Variants in SLC13A3 observed in about 807,000 individuals in gnomAD.
The protein encoded by SLC13A3 is Na(+)/dicarboxylate cotransporter 3.
SLC13A3 carries 40 observed loss-of-function variants against 59.0 expected under a neutral mutation model. That is an observed-to-expected ratio of 0.68 (90% CI 0.53 to 0.88). The LOEUF (loss-of-function observed/expected upper bound fraction) is 0.88, where lower values mean the gene tolerates loss of function less well. Among genes scored for constraint, SLC13A3 ranks in the 40% least tolerant of loss-of-function variants. SLC13A3 has a pLI of 0.00. For synonymous variants in SLC13A3, 317 were observed against 330.3 expected (o/e 0.96, Z 0.44); for missense variants, 699 against 783.2 (o/e 0.89, Z 1.28).
At chr20:46,595,815 C>G (rs564872770) in intron 5 of SLC13A3, among the ~76,000 whole-genome samples, 203 of 152,306 alleles carry the variant, frequency 1.3e-3, no homozygotes, top group African/African-American at 4.6e-3. Context: ...TAGGTCTCTG[C>G]TCAAATGTCA....
intron 1 of SLC13A3, among the ~76,000 whole-genome samples, chr20:46,636,811 T>C (rs937918330): frequency 1.8e-5 from 1 of 56,586 alleles, no homozygotes; most frequent in Admixed American, 2.0e-4. Flanking sequence ...TTTTTCTTTT[T>C]TTCTTTTTTT....
chr20:46,678,965 T>C (rs1454720493), intron 1 of SLC13A3, among the ~76,000 whole-genome samples: 1 of 152,142 alleles, frequency 6.6e-6, no homozygotes, highest in Non-Finnish European at 1.5e-5. Context: ...CTCTCTCTTG[T>C]TCCTGCTTTC....
intron 8 of SLC13A3, chr20:46,585,764 A>C (rs73113722): frequency 0.1 from 130,911 of 1,286,240 alleles, 7,610 homozygotes; most frequent in Non-Finnish European, 0.11. Context: ...TAAAGCATCT[A>C]CATTTTAGAA....
At chr20:46,602,860 T>A (rs1400291090) in intron 3 of SLC13A3, among the ~76,000 whole-genome samples, 2 of 152,150 alleles carry the variant, frequency 1.3e-5, no homozygotes, top group Non-Finnish European at 2.9e-5. Flanking sequence ...GAAGTAACCA[T>A]TCTAGGATTG....
At chr20:46,656,391 TG>T (rs2062992710), upstream of SLC13A3, among the ~76,000 whole-genome samples, 2 of 18,300 alleles carry the variant, frequency 1.1e-4, 1 homozygote, top group Non-Finnish European at 2.1e-4. Context: ...ATACTGTATA[TG>T]ATATACTATA....
In SLC13A3 at chr20:46,610,532, A is replaced by T. The variant is rs987327153; in HGVS notation, c.455T>A (p.Leu152His). The T allele has an allele frequency of 6.2e-7, 1 of 1,614,146 alleles. No homozygotes were observed. The highest frequency in any genetic ancestry group is 8.5e-7 in the Non-Finnish European group (1 of 1,180,018). ...TTTCAGGATGGCATTGGCAATGGGA[A>T]GCATCATGGCAGTGGAGGCGGTGTT... The part of the protein sequence containing the change: ...LSNTASTAMM[L>H]PIANAILKSL... Residue 152 changes from leucine (L) to histidine (H), a missense_variant, in exon 3 of 13, where the codon CTT becomes CAT. Leu to His is a moderately conservative substitution (Grantham distance 99). Transcript: ENST00000279027.
intron 3 of SLC13A3, among the ~76,000 whole-genome samples, chr20:46,604,685 T>A (rs2122722752): frequency 6.6e-6 from 1 of 152,196 alleles, no homozygotes; most frequent in Admixed American, 6.5e-5. Flanking sequence ...GTTGACCCCC[T>A]GCAGGGGCCT....
chr20:46,646,919 T>G (rs2062900489), intron 1 of SLC13A3, among the ~76,000 whole-genome samples: 1 of 152,066 alleles, frequency 6.6e-6, no homozygotes, highest in Non-Finnish European at 1.5e-5. Context: ...GCCTCAAAAC[T>G]GGGAATGAAA....
At chr20:46,664,849 G>A (rs950444757) in intron 1 of SLC13A3, among the ~76,000 whole-genome samples, 8 of 152,096 alleles carry the variant, frequency 5.3e-5, no homozygotes, top group African/African-American at 1.4e-4. Flanking sequence ...GAAGTCAAAC[G>A]CAATGGCTTT....
At chr20:46,653,125 T>C (rs751090616), upstream of SLC13A3, among the ~76,000 whole-genome samples, 9 of 152,244 alleles carry the variant, frequency 5.9e-5, no homozygotes, top group Non-Finnish European at 1.0e-4. Context: ...AGTTGAGTTT[T>C]GAAAGTTCTT....
chr20:46,575,697 G>A lies in SLC13A3; in HGVS notation c.1220-12C>T. Reference sequence around the variant, plus strand: ...CTCTGTGTTGGGAGCTGGGCAGAGAGAGGGATTCAGCACACACTCAGGGCC... The same window carrying A: ...CTCTGTGTTGGGAGCTGGGCAGAGAAAGGGATTCAGCACACACTCAGGGCC... On this transcript the variant is annotated splice_polypyrimidine_tract_variant and intron_variant, in intron 9 of 12. Transcript: ENST00000279027. The A allele has an allele frequency of 6.5e-7, 1 of 1,543,066 alleles. No homozygotes were observed.
At chr20:46,614,284 T>C (rs996206048) in intron 1 of SLC13A3, among the ~76,000 whole-genome samples, 1 of 152,182 alleles carries the variant, frequency 6.6e-6, no homozygotes, top group Non-Finnish European at 1.5e-5. Context: ...GGACAGGGCA[T>C]ATCATGCCTT....
chr20:46,561,594 C>T (rs1021558443), intron 12 of SLC13A3, among the ~76,000 whole-genome samples: 7 of 151,448 alleles, frequency 4.6e-5, no homozygotes, highest in African/African-American at 1.5e-4. Flanking sequence ...TTAATAATAC[C>T]GGTTTTCCAT....
At chr20:46,631,648 C>T (rs2062739039) in intron 1 of SLC13A3, among the ~76,000 whole-genome samples, 1 of 152,146 alleles carries the variant, frequency 6.6e-6, no homozygotes, top group East Asian at 1.9e-4. Flanking sequence ...CCAACCCATA[C>T]ATAATCTCCA....
chr20:46,605,048 C>T (rs2062423936), intron 3 of SLC13A3, among the ~76,000 whole-genome samples: 1 of 152,106 alleles, frequency 6.6e-6, no homozygotes, highest in South Asian at 2.1e-4. Context: ...ACAGCCCTCG[C>T]CTGGCCCCGT....
intron 11 of SLC13A3, among the ~76,000 whole-genome samples, chr20:46,565,364 C>G (rs959818884): frequency 6.6e-6 from 1 of 152,194 alleles, no homozygotes; most frequent in Admixed American, 6.5e-5. Flanking sequence ...ACTCTCTGTT[C>G]CTTGCAAATC....
intron 1 of SLC13A3, among the ~76,000 whole-genome samples, chr20:46,620,194 T>C (rs1239665256): frequency 6.6e-6 from 1 of 152,230 alleles, no homozygotes; most frequent in Admixed American, 6.5e-5. Flanking sequence ...GTATGTTATG[T>C]CTATTTGTTC....
At chr20:46,603,024 C>G (rs1424612389) in intron 3 of SLC13A3, among the ~76,000 whole-genome samples, 1 of 151,722 alleles carries the variant, frequency 6.6e-6, no homozygotes, top group Non-Finnish European at 1.5e-5. Context: ...ACTAAAAATA[C>G]AAAATTAGCC....
intron 1 of SLC13A3, among the ~76,000 whole-genome samples, chr20:46,618,296 A>G (rs1044571631): frequency 1.3e-5 from 2 of 152,230 alleles, no homozygotes; most frequent in Non-Finnish European, 2.9e-5. Context: ...GGAGACAGAC[A>G]TGAAGACAAA....
Sources: allele counts gnomAD v4.1 joint callset (sites outside exome capture counted in the v4.1 genomes callset), GRCh38; gene constraint gnomAD v4.1.1; transcripts MANE v1.5; gene names NCBI Gene and HGNC (gene_info 2026-07-23, HGNC 2026-07-21).